Variants in ALK observed in about 807,000 individuals in gnomAD.
ALK encodes ALK tyrosine kinase receptor.
Under a neutral mutation model 163.1 loss-of-function variants are expected in ALK, and 74 were observed. The observed-to-expected ratio is 0.45, with a 90% CI of 0.38 to 0.55. The LOEUF (loss-of-function observed/expected upper bound fraction) is 0.55, where lower values mean the gene tolerates loss of function less well. Ranked by LOEUF, ALK falls within the 20% of genes least tolerant of loss-of-function variation. ALK has a pLI of 0.00. For missense variants in ALK, 2,063 were observed against 2,105.3 expected (o/e 0.98, Z 0.39); for synonymous variants, 960 against 843.2 (o/e 1.14, Z -2.40).
In ALK at chr2:29,233,637, G is replaced by A. The variant is rs759891849; in HGVS notation, c.2415C>T (p.Ile805=). 3 of 1,614,166 alleles carry A rather than the reference G, an allele frequency of 1.9e-6. No individual in the cohort carries two copies. Among genetic ancestry groups the A allele is most frequent in the Non-Finnish European group, 2.5e-6 (3 of 1,180,030 alleles). The change falls in exon 14 of 29, where the codon ATC becomes ATT. Residue 805 remains isoleucine (I), a synonymous_variant. Coordinates refer to ENST00000389048, the MANE Select transcript of ALK (RefSeq NM_004304.5). Reference sequence around the variant, plus strand: ...ACTCATGCACGCTTCTGTTCACACGGATTTCTTCTTCTATCACATTGTTCT... The same window carrying A: ...ACTCATGCACGCTTCTGTTCACACGAATTTCTTCTTCTATCACATTGTTCT... The part of the protein sequence containing the change: ...IGENNVIEEE[I]RVNRSVHEWA...
At chr2:29,343,250 C>G (rs1256424709) in intron 5 of ALK, among the ~76,000 whole-genome samples, 1 of 147,360 alleles carries the variant, frequency 6.8e-6, no homozygotes, top group Non-Finnish European at 1.5e-5. Flanking sequence ...ATTCTGTCAT[C>G]CAGGCTGGAG....
intron 1 of ALK, among the ~76,000 whole-genome samples, chr2:29,795,668 A>G (rs982220536): frequency 1.3e-5 from 2 of 152,198 alleles, no homozygotes; most frequent in Non-Finnish European, 1.5e-5. Flanking sequence ...AAAGATGACT[A>G]AGACTTTATG....
chr2:29,509,417 C>T (rs1265468437), intron 4 of ALK, among the ~76,000 whole-genome samples: 3 of 152,148 alleles, frequency 2.0e-5, no homozygotes, highest in Non-Finnish European at 1.5e-5. Flanking sequence ...TCAGCGAAAG[C>T]TTTCTGTACT....
At chr2:29,760,400 A>T (rs1680667563) in intron 1 of ALK, among the ~76,000 whole-genome samples, 1 of 152,214 alleles carries the variant, frequency 6.6e-6, no homozygotes, top group Admixed American at 6.5e-5. Flanking sequence ...ACATTCTTAT[A>T]GAGTGATAAT....
Position 29,705,283 on chromosome 2 carries a change from A to ATCTC in ALK, c.788-10270_788-10269insGAGA, listed in dbSNP as rs34226432. On this transcript the variant is annotated intron_variant, in intron 2 of 28. Coordinates refer to ENST00000389048, the MANE Select transcript of ALK (RefSeq NM_004304.5). ...TATATATATATATATATATATATAA[A>ATCTC]TATATATCTGCTGTGATGATTGCAT... is the stretch of plus-strand genomic sequence containing the variant. 3.5e-3 allele frequency among the ~76,000 whole-genome samples: 179 copies of ATCTC among 50,892 alleles called. 2 individuals are homozygous for ATCTC. The highest frequency in any genetic ancestry group is 8.3e-3 in the African/African-American group (168 of 20,252). 33.4% of individuals were successfully genotyped at this position (50,892 alleles called of 152,430 possible).
At chr2:29,221,795 A>G (rs1669811539) in intron 22 of ALK, among the ~76,000 whole-genome samples, 1 of 152,150 alleles carries the variant, frequency 6.6e-6, no homozygotes, top group South Asian at 2.1e-4. Context: ...CTTGAGGTCA[A>G]ATATCTGCCC....
intron 3 of ALK, among the ~76,000 whole-genome samples, chr2:29,614,050 C>G (rs535663884): frequency 6.6e-6 from 1 of 152,142 alleles, no homozygotes; most frequent in South Asian, 2.1e-4. Context: ...GGAGACTCAC[C>G]GGGGGCATCA....
In ALK at chr2:29,678,701, TA is replaced by T. The variant is rs1261652375; in HGVS notation, c.952+16148del. ...GCATAATTTTAATTTTAATTAAATT[TA>T]AATTTAATTTTAATTTTACTTATAT... On this transcript the variant is annotated intron_variant, in intron 3 of 28. Coordinates refer to ENST00000389048, the MANE Select transcript of ALK (RefSeq NM_004304.5). Among the ~76,000 whole-genome samples the T allele has an allele frequency of 4.0e-5, 6 of 151,524 alleles. No homozygotes were observed. In the East Asian group the frequency reaches 1.2e-3, roughly 29 times the overall value.
chr2:29,774,209 CT>C (rs1681108433), intron 1 of ALK, among the ~76,000 whole-genome samples: 1 of 152,220 alleles, frequency 6.6e-6, no homozygotes, highest in African/African-American at 2.4e-5. Flanking sequence ...TCTCTCCCCC[CT>C]GTTGCTTTGA....
chr2:29,784,316 C>T (rs1663938680), intron 1 of ALK, among the ~76,000 whole-genome samples: 1 of 152,194 alleles, frequency 6.6e-6, no homozygotes, highest in Non-Finnish European at 1.5e-5. Flanking sequence ...GCTGCATATA[C>T]ATTTTCTATA....
chr2:29,532,265 C>G (rs920731871), intron 3 of ALK, 149 bp from the exon 4 acceptor site: 1 of 788,608 alleles, frequency 1.3e-6, no homozygotes, highest in Admixed American at 2.0e-5. Flanking sequence ...CCTTCTTCCT[C>G]CATTCTTAGA....
chr2:29,245,509 C>T (rs1403523253), intron 12 of ALK, among the ~76,000 whole-genome samples: 1 of 146,420 alleles, frequency 6.8e-6, no homozygotes, highest in Non-Finnish European at 1.5e-5. Flanking sequence ...ACTCAGTGCC[C>T]TGCACATAGT....
chr2:29,240,152 C>CAGAGAGAG (rs3054022), intron 12 of ALK, among the ~76,000 whole-genome samples: 66 of 143,404 alleles, frequency 4.6e-4, no homozygotes, highest in African/African-American at 8.5e-4. Context: ...AGGGAAACAG[C>CAGAGAGAG]AGAGAGAGAG....
chr2:29,477,789 AAGACTT>A (rs1198575508), intron 4 of ALK, among the ~76,000 whole-genome samples: 1 of 152,146 alleles, frequency 6.6e-6, no homozygotes, highest in East Asian at 1.9e-4. Flanking sequence ...ATATGGCTAA[AAGACTT>A]AGGGGAAATT....
chr2:29,788,975 G>A (rs1048990350), intron 1 of ALK, among the ~76,000 whole-genome samples: 1 of 148,586 alleles, frequency 6.7e-6, no homozygotes, highest in African/African-American at 2.5e-5. Flanking sequence ...GCTAAGTTTT[G>A]CAAACGGCCG....
intron 2 of ALK, among the ~76,000 whole-genome samples, chr2:29,711,058 G>A (rs992475063): frequency 2.0e-5 from 3 of 152,120 alleles, no homozygotes; most frequent in Non-Finnish European, 2.9e-5. Context: ...ATTACTCAAG[G>A]TGGATTCTCC....
At chr2:29,208,344 G>A (rs1669369805) in intron 25 of ALK, among the ~76,000 whole-genome samples, 1 of 152,160 alleles carries the variant, frequency 6.6e-6, no homozygotes, top group African/African-American at 2.4e-5. Context: ...AGGTAACTTA[G>A]GGTGGTTGAA....
intron 1 of ALK, among the ~76,000 whole-genome samples, chr2:29,912,020 G>C (rs1285221774): frequency 6.6e-6 from 1 of 152,098 alleles, no homozygotes; most frequent in Non-Finnish European, 1.5e-5. Flanking sequence ...AGATAACAGA[G>C]GAAAGAGTCA....
Position 29,508,706 on chromosome 2 carries a change from A to C in ALK, c.1154+23209T>G, listed in dbSNP as rs201391693. 1.8e-4 allele frequency among the ~76,000 whole-genome samples: 23 copies of C among 126,352 alleles called. 1 individual carries two copies. Among genetic ancestry groups the C allele is most frequent in the Middle Eastern group, 7.7e-3 (2 of 260 alleles). The allele number at this position is 126,352 out of a possible 152,430, so 82.9% of individuals were successfully genotyped here. On this transcript the variant is annotated intron_variant, in intron 4 of 28. Coordinates refer to ENST00000389048, the MANE Select transcript of ALK (RefSeq NM_004304.5). ...AAACTTAGAGTATAATAAAAAAAAA[A>C]CCCAAAAAAATCCCATATCTGCAAC...
Sources: allele counts gnomAD v4.1 joint callset (sites outside exome capture counted in the v4.1 genomes callset), GRCh38; gene constraint gnomAD v4.1.1; transcripts MANE v1.5; gene names NCBI Gene and HGNC (gene_info 2026-07-23, HGNC 2026-07-21).